The following EXTL3 variants were observed in gnomAD, a reference collection of about 807,000 sequenced individuals.
EXTL3 encodes the protein exostosin-like 3.
In EXTL3, 27 loss-of-function variants were observed where a neutral mutation model predicts 69.3. The ratio of observed to expected loss-of-function variants is 0.39; its 90% CI spans 0.29 to 0.54. The LOEUF is 0.54. Among genes scored for constraint, EXTL3 ranks in the 20% least tolerant of loss-of-function variants. The probability of loss-of-function intolerance (pLI) is 0.69; values close to 1 mark genes in which losing one functional copy is unlikely to be tolerated. For missense variants in EXTL3, 1,003 were observed against 1,231.8 expected (o/e 0.81, Z 2.78); for synonymous variants, 511 against 499.4 (o/e 1.02, Z -0.31).
chr8:28,692,986 C>G (rs1306953539), intron 1 of EXTL3, among the ~76,000 whole-genome samples: 2 of 152,142 alleles, frequency 1.3e-5, no homozygotes, highest in African/African-American at 4.8e-5. Flanking sequence ...TACTCACTGG[C>G]ATAATTTAGG....
chr8:28,709,211 G>A (rs1295771450), intron 1 of EXTL3, among the ~76,000 whole-genome samples: 1 of 152,202 alleles, frequency 6.6e-6, no homozygotes, highest in Non-Finnish European at 1.5e-5. Flanking sequence ...CTCGTGTACA[G>A]AACAGGAATA....
At chr8:28,682,067 A>G (rs1807499133) in intron 1 of EXTL3, among the ~76,000 whole-genome samples, 1 of 152,172 alleles carries the variant, frequency 6.6e-6, no homozygotes, top group South Asian at 2.1e-4. Flanking sequence ...CTCAAACAAC[A>G]ACAATATATA....
intron 6 of EXTL3, among the ~76,000 whole-genome samples, chr8:28,749,305 C>A (rs1801954617): frequency 6.6e-6 from 1 of 152,152 alleles, no homozygotes; most frequent in Admixed American, 6.5e-5. Context: ...AGCAACAAAT[C>A]ACTCCAAAAA....
At chr8:28,710,943 A>AG (rs748156430) in intron 1 of EXTL3, among the ~76,000 whole-genome samples, 5 of 152,324 alleles carry the variant, frequency 3.3e-5, no homozygotes, top group Non-Finnish European at 5.9e-5. Context: ...GAGACAGTGT[A>AG]GAGTAGGTGT....
chr8:28,731,309 C>T lies in EXTL3; in HGVS notation c.2235C>T (p.Asp745=), dbSNP rs546378413. Reference sequence around the variant, plus strand: ...CAGAGGCCATCCTGTCCATTGATGACGATGCTCACCTCCGCCATGACGAAA... The same window carrying T: ...CAGAGGCCATCCTGTCCATTGATGATGATGCTCACCTCCGCCATGACGAAA... ...IETEAILSID[D]DAHLRHDEIM... The change falls in exon 4 of 7, where the codon GAC becomes GAT. Residue 745 remains aspartate (D), a synonymous_variant. Transcript: ENST00000220562. The T allele has an allele frequency of 2.1e-5, 34 of 1,614,168 alleles. No homozygotes were observed. The East Asian group carries it at 2.5e-4, about 12-fold the overall frequency.
At position 28,680,260 on chromosome 8, in the gene EXTL3, A is replaced by C. The variant is rs1821836; in HGVS notation, c.-52-33197A>C. On this transcript the variant is annotated intron_variant, in intron 1 of 6. Transcript: ENST00000523149. ...ACAAAAATTAGCTGGGCATGATGGC[A>C]GGTGCCTGTAATCCCAGCTACTCCG... Among the ~76,000 whole-genome samples, 424 of 152,056 alleles carry C rather than the reference A, an allele frequency of 2.8e-3. 2 individuals are homozygous for C. Among genetic ancestry groups the C allele is most frequent in the African/African-American group, 9.8e-3 (406 of 41,478 alleles).
intron 1 of EXTL3, chr8:28,710,445 A>G (rs1250273827): frequency 2.2e-6 from 1 of 456,188 alleles, no homozygotes; most frequent in Non-Finnish European, 4.4e-6. Context: ...AGACTGACTT[A>G]ATATGAGGTG....
Position 28,608,194 on chromosome 8 carries a change from C to T in EXTL3, n.314+436C>T, listed in dbSNP as rs553624212. 1.2e-4 allele frequency among the ~76,000 whole-genome samples: 19 copies of T among 152,074 alleles called. No individual in the cohort carries two copies. In the South Asian group the frequency reaches 2.1e-3, roughly 17 times the overall value. ...ACACACAGAGAACTTCCCTTTGCAG[C>T]GATCTCTTAGGGGAGAAGCCTTTGG... On this transcript the variant is annotated intron_variant and non_coding_transcript_variant, in intron 2 of 4. Coordinates refer to the EXTL3 transcript ENST00000522725.
At chr8:28,749,335 C>T (rs902389482) in intron 6 of EXTL3, among the ~76,000 whole-genome samples, 1 of 152,096 alleles carries the variant, frequency 6.6e-6, no homozygotes, top group Non-Finnish European at 1.5e-5. Flanking sequence ...GATTGGAAAG[C>T]CCTAAATGGA....
At chr8:28,694,354 G>A (rs1163499098) in intron 1 of EXTL3, among the ~76,000 whole-genome samples, 2 of 152,244 alleles carry the variant, frequency 1.3e-5, no homozygotes, top group African/African-American at 2.4e-5. Context: ...TGAAAGAAAT[G>A]TGTGCACCAG....
At chr8:28,694,306 T>C (rs755075906) in intron 1 of EXTL3, among the ~76,000 whole-genome samples, 6 of 152,264 alleles carry the variant, frequency 3.9e-5, no homozygotes, top group Non-Finnish European at 7.3e-5. Flanking sequence ...GCAGTTTACA[T>C]TTCTCTGGCT....
intron 1 of EXTL3, among the ~76,000 whole-genome samples, chr8:28,704,087 T>G (rs2130707388): frequency 6.6e-6 from 1 of 152,322 alleles, no homozygotes; most frequent in East Asian, 1.9e-4. Flanking sequence ...TTCAGACCTC[T>G]TGGGTGATGT....
At chr8:28,703,035 A>G (rs1026208956) in intron 1 of EXTL3, among the ~76,000 whole-genome samples, 1 of 152,248 alleles carries the variant, frequency 6.6e-6, no homozygotes, top group Non-Finnish European at 1.5e-5. Context: ...GTGATGAAAG[A>G]AAAACCGTTT....
In EXTL3 at chr8:28,753,056, A is replaced by G. The variant is rs1412287522; in HGVS notation, c.*2190A>G. On this transcript the variant is annotated 3_prime_UTR_variant, in exon 7 of 7. Coordinates refer to ENST00000220562, the MANE Select transcript of EXTL3 (RefSeq NM_001440.4). ...AAGAAGGGCTGAGTGGTCTGACACC[A>G]AAACATGCCGCAGGGAGGGCTGTGG... The G allele has an allele frequency of 6.6e-6, 1 of 152,346 alleles. No individual in the cohort carries two copies. Among genetic ancestry groups the G allele is most frequent in the Non-Finnish European group, 1.5e-5 (1 of 68,124 alleles). 9.4% of individuals were successfully genotyped at this position (152,346 alleles called of 1,614,324 possible). A position where few individuals can be genotyped will look rare whatever the true frequency, so the allele number is the denominator to read the frequency against.
intron 1 of EXTL3, among the ~76,000 whole-genome samples, chr8:28,642,445 CAAAAAAA>C (rs34884110): frequency 2.2e-5 from 2 of 91,960 alleles, no homozygotes; most frequent in Non-Finnish European, 4.4e-5. Flanking sequence ...AACACTGTCT[CAAAAAAA>C]AAAAAAAAAA....
intron 6 of EXTL3, among the ~76,000 whole-genome samples, chr8:28,746,850 A>G (rs1801898529): frequency 6.6e-6 from 1 of 151,954 alleles, no homozygotes. Flanking sequence ...TAATTTTTAT[A>G]TTTTTAGTAG....
At chr8:28,681,018 C>T (rs1262120437) in intron 1 of EXTL3, among the ~76,000 whole-genome samples, 1 of 151,858 alleles carries the variant, frequency 6.6e-6, no homozygotes, top group African/African-American at 2.4e-5. Context: ...GCTGGGATTA[C>T]AGGCACCCAC....
chr8:28,717,753 C>G lies in EXTL3; in HGVS notation c.1694C>G (p.Pro565Arg). 1 of 1,614,154 alleles carries G rather than the reference C, an allele frequency of 6.2e-7. No homozygotes were observed. Residue 565 changes from proline (P) to arginine (R), a missense_variant, in exon 3 of 7, where the codon CCC (proline) becomes CGC (arginine). Pro to Arg is a moderately radical substitution (Grantham distance 103, BLOSUM62 -2). Transcript: ENST00000220562. The surrounding 1 kb of genome is among the most constrained non-coding windows in gnomAD (Gnocchi z 8.3). ...TCAGGCAAGGCGGCTGGAACTGACC[C>G]CAACATGGCTGACAACGGGGACCTG... ...HRSGKAAGTDPNMADNGDLDL... is the reference protein window; with the variant it reads ...HRSGKAAGTDRNMADNGDLDL...
At chr8:28,649,399 G>A (rs1212191502) in intron 1 of EXTL3, among the ~76,000 whole-genome samples, 1 of 152,082 alleles carries the variant, frequency 6.6e-6, no homozygotes, top group Non-Finnish European at 1.5e-5. Flanking sequence ...TACTACTGTT[G>A]GCTGACTTAA....
Sources: gnomAD v4.1 joint callset for allele counts (sites outside exome capture counted in the v4.1 genomes callset) on GRCh38, gnomAD v4.1.1 for gene constraint, Gnocchi (gnomAD v3.1) non-coding constraint, MANE v1.5 for transcripts, NCBI Gene and HGNC (gene_info 2026-07-23, HGNC 2026-07-21) for gene names.